ANXA4: variants seen among roughly 807,000 people sequenced by gnomAD.
ANXA4 encodes the protein annexin A4, also known as 35-beta calcimedin.
In ANXA4, 39 loss-of-function variants were observed where a neutral mutation model predicts 49.8. The ratio of observed to expected loss-of-function variants is 0.78; its 90% CI spans 0.61 to 1.02. The LOEUF is 1.02. Ranked by LOEUF, ANXA4 falls within the 50% of genes least tolerant of loss-of-function variation. The pLI is 0.00. For missense variants in ANXA4, 360 were observed against 410.1 expected (o/e 0.88, Z 1.05); for synonymous variants, 134 against 152.5 (o/e 0.88, Z 0.89).
At position 69,825,347 on chromosome 2, in the gene ANXA4, TA is replaced by T. The variant is rs1043489763; in HGVS notation, c.907-106del. ...GTAATAAAAAATAACAAAAAAAATTTAAAGCTAAGAAAAATCCAGCCAAGCT... is the reference window on the plus strand; with the variant it reads ...GTAATAAAAAATAACAAAAAAAATTTAAGCTAAGAAAAATCCAGCCAAGCT... On this transcript the variant is annotated intron_variant, in intron 12 of 12. Coordinates refer to ENST00000394295, the MANE Select transcript of ANXA4 (RefSeq NM_001153.5). 1.2e-5 allele frequency: 10 copies of T among 835,790 alleles called. No individual in the cohort carries two copies. The African/African-American group carries it at 1.4e-4, about 12-fold the overall frequency. The allele number at this position is 835,790 out of a possible 1,614,324, so 51.8% of individuals were successfully genotyped here.
At chr2:69,798,561 G>C (rs1272364061) in intron 3 of ANXA4, among the ~76,000 whole-genome samples, 1 of 152,134 alleles carries the variant, frequency 6.6e-6, no homozygotes, top group Non-Finnish European at 1.5e-5. Context: ...ACAACAACCA[G>C]GCTTTCTGTG....
rs190427198 is a variant in ANXA4, at chr2:69,648,910, G to A, written n.481+4005G>A. Among the ~76,000 whole-genome samples the A allele has an allele frequency of 5.7e-3, 695 of 122,540 alleles. 6 individuals are homozygous for A. The highest frequency in any genetic ancestry group is 0.022 in the African/African-American group (662 of 30,350). The allele number at this position is 122,540 out of a possible 152,430, so 80.4% of individuals were successfully genotyped here. ...TTTCTTTTTTTTTTTTTTTGAGATG[G>A]AGTTTTGCTCTGTTACCCAGGCTGG... On this transcript the variant is annotated intron_variant and non_coding_transcript_variant, in intron 1 of 3. Coordinates refer to the ANXA4 transcript ENST00000418066.
At chr2:69,745,822 C>T (rs527308440) in intron 1 of ANXA4, among the ~76,000 whole-genome samples, 5 of 148,370 alleles carry the variant, frequency 3.4e-5, no homozygotes, top group African/African-American at 7.9e-5. Context: ...TGAGCCACCA[C>T]GCCCGGCTGA....
At chr2:69,688,620 A>G (rs1427417041) in intron 2 of ANXA4, among the ~76,000 whole-genome samples, 1 of 152,244 alleles carries the variant, frequency 6.6e-6, no homozygotes, top group East Asian at 1.9e-4. Context: ...TGAAATTCAA[A>G]GCAATGAGTT....
chr2:69,777,988 C>G (rs561272923), intron 1 of ANXA4, among the ~76,000 whole-genome samples: 25 of 152,308 alleles, frequency 1.6e-4, no homozygotes, highest in African/African-American at 5.8e-4. Flanking sequence ...TAGCCACAGA[C>G]AAAATATAAA....
intron 3 of ANXA4, among the ~76,000 whole-genome samples, chr2:69,793,530 C>T (rs1672790000): frequency 6.6e-6 from 1 of 152,076 alleles, no homozygotes; most frequent in Non-Finnish European, 1.5e-5. Flanking sequence ...TATATAACCA[C>T]ACAAACAGAA....
In ANXA4 at chr2:69,810,684, G is replaced by A; in HGVS notation, c.477+11G>A. On this transcript the variant is annotated intron_variant, in intron 7 of 12. Coordinates refer to ENST00000394295, the MANE Select transcript of ANXA4 (RefSeq NM_001153.5). ...GTGTCTCTGTCAGCTGTGAGTGACT[G>A]CTTCTGATGGGGGGCGGGTTTTATC... The A allele has an allele frequency of 6.2e-7, 1 of 1,610,296 alleles. No individual in the cohort carries two copies. The highest frequency in any genetic ancestry group is 8.5e-7 in the Non-Finnish European group (1 of 1,176,708).
At chr2:69,783,467 G>A (rs887192342) in intron 2 of ANXA4, among the ~76,000 whole-genome samples, 12 of 152,158 alleles carry the variant, frequency 7.9e-5, no homozygotes, top group South Asian at 4.2e-4. Flanking sequence ...TGCCCGCCTC[G>A]GCCTCCCAAA....
intron 1 of ANXA4, among the ~76,000 whole-genome samples, chr2:69,645,197 C>G (rs898300407): frequency 1.3e-5 from 2 of 152,072 alleles, no homozygotes; most frequent in Non-Finnish European, 2.9e-5. Context: ...TTAACAGTAG[C>G]GTTTGTTGTT....
intron 1 of ANXA4, chr2:69,644,956 G>C (rs1395265110): frequency 6.6e-6 from 1 of 152,202 alleles, no homozygotes; most frequent in Non-Finnish European, 1.5e-5. Flanking sequence ...TGATGCTGAA[G>C]AGTGGCAAGT....
At chr2:69,768,811 C>A (rs370653034) in intron 1 of ANXA4, among the ~76,000 whole-genome samples, 2 of 152,188 alleles carry the variant, frequency 1.3e-5, no homozygotes, top group East Asian at 3.8e-4. Flanking sequence ...TGCAGTGGCT[C>A]ATGCCTGTAA....
rs1673984072 is a variant in ANXA4, at chr2:69,816,189, T to G, written c.623T>G (p.Leu208Trp). 1 of 1,613,938 alleles carries G rather than the reference T, an allele frequency of 6.2e-7. No homozygotes were observed. The highest frequency in any genetic ancestry group is 8.5e-7 in the Non-Finnish European group (1 of 1,179,788). The stretch of plus-strand genomic sequence containing the variant: ...TGTTCCCGGAACCGAAATCACCTGT[T>G]GCATGGTAAGGCACTTACTTCATTT... Reference protein sequence around the residue: ...VLCSRNRNHLLHVFDEYKRIS... With the variant: ...VLCSRNRNHLWHVFDEYKRIS... Residue 208 changes from leucine (L) to tryptophan (W), a missense_variant, in exon 9 of 13, where the codon TTG (leucine) becomes TGG (tryptophan). Leu to Trp is a moderately conservative substitution (Grantham distance 61). Coordinates refer to ENST00000394295, the MANE Select transcript of ANXA4 (RefSeq NM_001153.5).
intron 4 of ANXA4, among the ~76,000 whole-genome samples, chr2:69,806,139 G>A (rs998599349): frequency 3.9e-5 from 6 of 152,168 alleles, no homozygotes; most frequent in Non-Finnish European, 8.8e-5. Context: ...AATGGGGGGA[G>A]TATTTGAACA....
intron 2 of ANXA4, among the ~76,000 whole-genome samples, chr2:69,671,466 C>G (rs1417408111): frequency 6.6e-6 from 1 of 152,202 alleles, no homozygotes; most frequent in Non-Finnish European, 1.5e-5. Flanking sequence ...CCCATAATCC[C>G]AGCACTTTGG....
intron 1 of ANXA4, among the ~76,000 whole-genome samples, chr2:69,759,129 CAAAAAA>C (rs35878649): frequency 1.7e-5 from 2 of 118,844 alleles, no homozygotes; most frequent in Admixed American, 8.1e-5. Context: ...GACTCTGTCT[CAAAAAA>C]AAAAAAAAAA....
chr2:69,742,049 C>T (rs989422727), upstream of ANXA4: 2 of 152,370 alleles, frequency 1.3e-5, no homozygotes, highest in East Asian at 3.9e-4. Context: ...GGCAGAGGAA[C>T]AACCAGGAAC....
intron 1 of ANXA4, among the ~76,000 whole-genome samples, chr2:69,766,551 G>A (rs1671500878): frequency 6.6e-6 from 1 of 152,216 alleles, no homozygotes; most frequent in Non-Finnish European, 1.5e-5. Flanking sequence ...TGTTATAGAG[G>A]AAGGATGGGG....
chr2:69,679,537 G>GT (rs1383013379), intron 2 of ANXA4, among the ~76,000 whole-genome samples: 1 of 151,890 alleles, frequency 6.6e-6, no homozygotes, highest in Non-Finnish European at 1.5e-5. Context: ...TTTTGTGGGG[G>GT]TTTTTTTCTG....
chr2:69,746,522 A>G (rs973486240), intron 1 of ANXA4, among the ~76,000 whole-genome samples: 2 of 152,188 alleles, frequency 1.3e-5, no homozygotes, highest in African/African-American at 4.8e-5. Flanking sequence ...TAGGATTTCT[A>G]TCTAAGGCTT....
Sources: allele counts gnomAD v4.1 joint callset (sites outside exome capture counted in the v4.1 genomes callset), GRCh38; gene constraint gnomAD v4.1.1; transcripts MANE v1.5; gene names NCBI Gene and HGNC (gene_info 2026-07-23, HGNC 2026-07-21).